SHISA6: variants seen among roughly 807,000 people sequenced by gnomAD.
SHISA6 encodes the protein protein shisa-6.
SHISA6 carries 22 observed loss-of-function variants against 47.9 expected under a neutral mutation model. The observed-to-expected ratio is 0.46, with a 90% CI of 0.33 to 0.66. The LOEUF (loss-of-function observed/expected upper bound fraction) is 0.66, where lower values mean the gene tolerates loss of function less well. Ranked by LOEUF, SHISA6 falls within the 30% of genes least tolerant of loss-of-function variation. SHISA6 has a pLI of 0.02. For synonymous variants in SHISA6, 388 were observed against 337.8 expected (o/e 1.15, Z -1.63); for missense variants, 680 against 764.6 (o/e 0.89, Z 1.30).
intron 2 of SHISA6, among the ~76,000 whole-genome samples, chr17:11,305,330 CAAGT>C (rs749773567): frequency 2.2e-4 from 33 of 152,122 alleles, no homozygotes; most frequent in Admixed American, 1.8e-3. Context: ...TTATAGTCAA[CAAGT>C]AAGAAAACCA....
chr17:11,538,867 G>A (rs1349895162), intron 3 of SHISA6, among the ~76,000 whole-genome samples: 1 of 152,142 alleles, frequency 6.6e-6, no homozygotes, highest in Non-Finnish European at 1.5e-5. Context: ...CTGGAGTGTG[G>A]TGATCAGGCC....
chr17:11,434,007 C>T (rs1914864216), intron 3 of SHISA6, among the ~76,000 whole-genome samples: 1 of 151,926 alleles, frequency 6.6e-6, no homozygotes, highest in Non-Finnish European at 1.5e-5. Flanking sequence ...TGCCCAGAAC[C>T]ACATGCGGTA....
chr17:11,534,990 T>A (rs2071773071), intron 3 of SHISA6, among the ~76,000 whole-genome samples: 1 of 152,016 alleles, frequency 6.6e-6, no homozygotes. Context: ...TAGCCATGCG[T>A]GGTGGCAGGC....
At chr17:11,526,156 C>A (rs2071680040) in intron 3 of SHISA6, among the ~76,000 whole-genome samples, 1 of 147,766 alleles carries the variant, frequency 6.8e-6, no homozygotes, top group African/African-American at 2.5e-5. Context: ...AATATGGTTT[C>A]AATTATCAGG....
intron 2 of SHISA6, among the ~76,000 whole-genome samples, chr17:11,348,606 A>G (rs2142218605): frequency 6.6e-6 from 1 of 152,212 alleles, no homozygotes. Context: ...TAGTGAGTGA[A>G]GTTTTATTCC....
At chr17:11,486,033 T>A (rs1916339748) in intron 3 of SHISA6, among the ~76,000 whole-genome samples, 1 of 152,194 alleles carries the variant, frequency 6.6e-6, no homozygotes, top group African/African-American at 2.4e-5. Context: ...CAAAAACTGC[T>A]GTAAGAAGCA....
chr17:11,296,776 C>T (rs2142173951), intron 2 of SHISA6, among the ~76,000 whole-genome samples: 1 of 152,088 alleles, frequency 6.6e-6, no homozygotes, highest in Admixed American at 6.5e-5. Flanking sequence ...ATTTGCATAG[C>T]AGGAGCGTGG....
chr17:11,350,169 TATTTATTTATTTA>T (rs1911824206), intron 2 of SHISA6, among the ~76,000 whole-genome samples: 4 of 113,360 alleles, frequency 3.5e-5, no homozygotes, highest in African/African-American at 1.4e-4. Flanking sequence ...TTTATTTATT[TATTTATTTATTTA>T]TTTTTTTTTT....
At chr17:11,548,260 C>T (rs933634848) in intron 3 of SHISA6, among the ~76,000 whole-genome samples, 2 of 152,152 alleles carry the variant, frequency 1.3e-5, no homozygotes, top group African/African-American at 4.8e-5. Flanking sequence ...CGAAAAGACA[C>T]TACACGTTTT....
chr17:11,405,804 GAAAA>G (rs1913936016), intron 3 of SHISA6, among the ~76,000 whole-genome samples: 1 of 151,212 alleles, frequency 6.6e-6, no homozygotes, highest in South Asian at 2.1e-4. Context: ...AAAAAAAAAA[GAAAA>G]GAAAAAAAAT....
At chr17:11,433,418 T>A (rs933127190) in intron 3 of SHISA6, among the ~76,000 whole-genome samples, 1 of 152,208 alleles carries the variant, frequency 6.6e-6, no homozygotes. Flanking sequence ...GAACTCATCC[T>A]TTTTTATGGC....
At chr17:11,264,794 C>G (rs1412978866) in intron 2 of SHISA6, among the ~76,000 whole-genome samples, 1 of 152,186 alleles carries the variant, frequency 6.6e-6, no homozygotes, top group East Asian at 1.9e-4. Context: ...TTTATTACGT[C>G]AGAAACCTAA....
At chr17:11,511,209 C>T (rs2142354706) in intron 3 of SHISA6, among the ~76,000 whole-genome samples, 1 of 152,298 alleles carries the variant, frequency 6.6e-6, no homozygotes, top group South Asian at 2.1e-4. Context: ...ACCCCATGTT[C>T]TCACTCATAA....
Position 11,533,090 on chromosome 17 carries a change from G to A in SHISA6, c.896-18806G>A, listed in dbSNP as rs375488104. On this transcript the variant is annotated intron_variant, in intron 3 of 5. Coordinates refer to ENST00000441885, the MANE Select transcript of SHISA6 (RefSeq NM_207386.4). The stretch of plus-strand genomic sequence containing the variant: ...AGACAAATGCTGTATCCAACAACCA[G>A]CAGGAATGAGTCCTCTGATGAAAAG... Among the ~76,000 whole-genome samples the A allele has an allele frequency of 1.8e-4, 27 of 152,254 alleles. No individual in the cohort carries two copies. In the South Asian group the frequency reaches 5.4e-3, roughly 30 times the overall value.
intron 2 of SHISA6, among the ~76,000 whole-genome samples, chr17:11,321,214 AT>A (rs1253413197): frequency 6.6e-6 from 1 of 152,210 alleles, no homozygotes; most frequent in Non-Finnish European, 1.5e-5. Context: ...TAATGGAGAT[AT>A]AGGATTTTAG....
In SHISA6 at chr17:11,332,608, C is replaced by T. The variant is rs75158049; in HGVS notation, c.800-46806C>T. Among the ~76,000 whole-genome samples, 21 of 152,264 alleles carry T rather than the reference C, an allele frequency of 1.4e-4. No individual in the cohort carries two copies. In the East Asian group the frequency reaches 3.5e-3, roughly 25 times the overall value. On this transcript the variant is annotated intron_variant, in intron 2 of 5. Coordinates refer to ENST00000441885, the MANE Select transcript of SHISA6 (RefSeq NM_207386.4). ...GAGAACCGTGAGCCTGTCTCCCTTT[C>T]GCAGGCTCAGGTTTGCTTTCTGTCT...
At chr17:11,408,503 A>G (rs1474731136) in intron 3 of SHISA6, among the ~76,000 whole-genome samples, 1 of 152,202 alleles carries the variant, frequency 6.6e-6, no homozygotes, top group Non-Finnish European at 1.5e-5. Flanking sequence ...CATGCTTCCT[A>G]ATATATGACC....
chr17:11,521,225 T>G (rs1252230958), intron 3 of SHISA6, among the ~76,000 whole-genome samples: 1 of 152,250 alleles, frequency 6.6e-6, no homozygotes, highest in Non-Finnish European at 1.5e-5. Context: ...TATATTGTTC[T>G]TTAAAGCAAG....
At chr17:11,391,483 C>T (rs1244010345) in intron 3 of SHISA6, among the ~76,000 whole-genome samples, 1 of 152,168 alleles carries the variant, frequency 6.6e-6, no homozygotes, top group Non-Finnish European at 1.5e-5. Context: ...AGGAGCAAAG[C>T]AGCACGCAAA....
Sources: allele counts gnomAD v4.1 joint callset (sites outside exome capture counted in the v4.1 genomes callset), GRCh38; gene constraint gnomAD v4.1.1; transcripts MANE v1.5; gene names NCBI Gene and HGNC (gene_info 2026-07-23, HGNC 2026-07-21).